HSD17B13: variants seen among roughly 807,000 people sequenced by gnomAD.
HSD17B13 encodes the protein 17-beta-hydroxysteroid dehydrogenase 13.
Under a neutral mutation model 31.1 loss-of-function variants are expected in HSD17B13, and 26 were observed. The ratio of observed to expected loss-of-function variants is 0.84; its 90% CI spans 0.61 to 1.16. The LOEUF (loss-of-function observed/expected upper bound fraction) is 1.16. Among genes scored for constraint, HSD17B13 ranks in the 50% most tolerant of loss-of-function variants. The probability of loss-of-function intolerance (pLI) is 0.00; values close to 1 mark genes in which losing one functional copy is unlikely to be tolerated. For synonymous variants in HSD17B13, 141 were observed against 133.7 expected, an observed-to-expected ratio of 1.05 and a Z score of -0.38; for missense variants, 374 against 366.5, an observed-to-expected ratio of 1.02 and a Z score of -0.17.
At position 87,317,212 on chromosome 4, in the gene HSD17B13, T is replaced by C. The variant is rs749370188; in HGVS notation, c.330A>G (p.Glu110=). The C allele has an allele frequency of 3.7e-6, 6 of 1,614,078 alleles. No homozygotes were observed. The South Asian group carries it at 6.6e-5, about 18-fold the overall frequency. Residue 110 remains glutamate (E), a synonymous_variant, in exon 3 of 7, where the codon GAA becomes GAG. Coordinates refer to ENST00000328546, the MANE Select transcript of HSD17B13 (RefSeq NM_178135.5). ...TCACCACGATTGTTACATCACCCAC[T>C]TCTTTCTTCACCTTTTGAAATTGAA... ...IYRSLNQVKK[E]VGDVTIVVNN... is the part of the protein sequence containing the mutation.
At position 87,313,897 on chromosome 4, in the gene HSD17B13, T is replaced by C. The variant is rs1291653330; in HGVS notation, c.621A>G (p.Gly207=). The C allele has an allele frequency of 1.9e-6, 3 of 1,610,316 alleles. No homozygotes were observed. The highest frequency in any genetic ancestry group is 1.7e-5 in the Admixed American group (1 of 59,336). The change falls in exon 5 of 7, where the codon GGA becomes GGG. Residue 207 remains glycine, a synonymous_variant. Coordinates refer to ENST00000328546, the MANE Select transcript of HSD17B13 (RefSeq NM_178135.5). ...RGLTSELQAL[G]KTGIKTSCLC... ...GACATGAGGTTTTGATACCAGTTTTTCCCAAGGCCTGAAGTTCTGATGTCA... is the reference window on the plus strand; with the variant it reads ...GACATGAGGTTTTGATACCAGTTTTCCCCAAGGCCTGAAGTTCTGATGTCA...
Position 87,317,198 on chromosome 4 carries a change from G to A in HSD17B13, c.344C>T (p.Thr115Ile), listed in dbSNP as rs1256271425. 1 of 1,613,894 alleles carries A rather than the reference G, an allele frequency of 6.2e-7. No homozygotes were observed. Among genetic ancestry groups the A allele is most frequent in the East Asian group, 2.2e-5 (1 of 44,880 alleles). Reference sequence around the variant, plus strand: ...TGTCCCAGCATTATTCACCACGATTGTTACATCACCCACTTCTTTCTTCAC... The same window carrying A: ...TGTCCCAGCATTATTCACCACGATTATTACATCACCCACTTCTTTCTTCAC... ...NQVKKEVGDV[T>I]IVVNNAGTVY... The change falls in exon 3 of 7, where the codon ACA becomes ATA. Residue 115 changes from threonine to isoleucine, a missense_variant. Thr to Ile is a moderately conservative substitution (Grantham distance 89). Coordinates refer to ENST00000328546, the MANE Select transcript of HSD17B13 (RefSeq NM_178135.5).
At chr4:87,321,391 A>T (rs1007501468) in intron 1 of HSD17B13, among the ~76,000 whole-genome samples, 3 of 152,196 alleles carry the variant, frequency 2.0e-5, no homozygotes, top group Admixed American at 6.5e-5. Context: ...TGGAAATTTT[A>T]AAATTTAAAA....
At chr4:87,320,676 C>T (rs986603056) in intron 1 of HSD17B13, among the ~76,000 whole-genome samples, 1 of 152,146 alleles carries the variant, frequency 6.6e-6, no homozygotes, top group Admixed American at 6.5e-5. Flanking sequence ...CGTGAGCCAC[C>T]GCGTCCGGCC....
At chr4:87,321,434 A>T (rs1391110903) in intron 1 of HSD17B13, among the ~76,000 whole-genome samples, 1 of 152,230 alleles carries the variant, frequency 6.6e-6, no homozygotes, top group Non-Finnish European at 1.5e-5. Context: ...TTCCCCAAAA[A>T]TACACATCTG....
chr4:87,314,525 C>T lies in HSD17B13; in HGVS notation c.558-565G>A, dbSNP rs551959553. 8.5e-5 allele frequency among the ~76,000 whole-genome samples: 13 copies of T among 152,162 alleles called. No individual in the cohort carries two copies. The South Asian group carries it at 1.0e-3, about 12-fold the overall frequency. ...TACAGGAAAGGATATTTGGCAAATA[C>T]AGCAGTACATCCTTAACGCCTCTCA... On this transcript the variant is annotated intron_variant, in intron 4 of 6. Transcript: ENST00000328546.
intron 6 of HSD17B13, among the ~76,000 whole-genome samples, chr4:87,306,958 G>C (rs961767178): frequency 4.8e-5 from 5 of 103,098 alleles, no homozygotes; most frequent in African/African-American, 2.0e-4. Flanking sequence ...TGAATGTAAA[G>C]AGGCAGAAAT....
At position 87,304,012 on chromosome 4, in the gene HSD17B13, C is replaced by A. The variant is rs1446444614; in HGVS notation, c.*1206G>T. The A allele has an allele frequency of 2.0e-5, 3 of 150,748 alleles. No homozygotes were observed. Among genetic ancestry groups the A allele is most frequent in the African/African-American group, 7.3e-5 (3 of 41,000 alleles). 9.3% of individuals were successfully genotyped at this position (150,748 alleles called of 1,614,324 possible). On this transcript the variant is annotated 3_prime_UTR_variant, in exon 7 of 7. Coordinates refer to ENST00000328546, the MANE Select transcript of HSD17B13 (RefSeq NM_178135.5). ...TGTAGTGGGAGTCGGATTATTTTTTCTATTAAAAAAAAAAAGGCTGGGCAC... is the reference window on the plus strand; with the variant it reads ...TGTAGTGGGAGTCGGATTATTTTTTATATTAAAAAAAAAAAGGCTGGGCAC...
chr4:87,313,462 T>C (rs1372505634), intron 5 of HSD17B13, among the ~76,000 whole-genome samples: 1 of 152,166 alleles, frequency 6.6e-6, no homozygotes. Context: ...TCAAATCCTG[T>C]CTCACCAGAG....
At chr4:87,310,471 TA>T in intron 5 of HSD17B13, 112 bp from the exon 6 acceptor site, 1 of 1,173,948 alleles carries the variant, frequency 8.5e-7, no homozygotes, top group Non-Finnish European at 1.1e-6. Context: ...AATGAAGATT[TA>T]AAATATTCCA....
At chr4:87,314,006 C>CA in intron 4 of HSD17B13, 46 bp from the exon 5 acceptor site, 1 of 1,405,878 alleles carries the variant, frequency 7.1e-7, no homozygotes, top group Non-Finnish European at 9.4e-7. Flanking sequence ...AGAGTGAAAC[C>CA]AATCCTCAGC....
chr4:87,314,853 G>A (rs1734615965), intron 4 of HSD17B13, among the ~76,000 whole-genome samples: 1 of 152,098 alleles, frequency 6.6e-6, no homozygotes, highest in African/African-American at 2.4e-5. Context: ...TGGCATTACT[G>A]TTTTCTCTCA....
chr4:87,321,585 G>A (rs1332283324), intron 1 of HSD17B13, among the ~76,000 whole-genome samples: 1 of 151,888 alleles, frequency 6.6e-6, no homozygotes, highest in East Asian at 1.9e-4. Flanking sequence ...AAGTTCATTC[G>A]AATTTCTTCA....
rs1734321852 is a variant in HSD17B13, at chr4:87,303,882, T to TTAGC, written c.*1335_*1336insGCTA. 6.6e-6 allele frequency: 1 copy of TTAGC among 151,494 alleles called. No homozygotes were observed. Among genetic ancestry groups the TTAGC allele is most frequent in the South Asian group, 2.1e-4 (1 of 4,802 alleles). 9.4% of individuals were successfully genotyped at this position (151,494 alleles called of 1,614,324 possible). A position where few individuals can be genotyped will look rare whatever the true frequency, so the allele number is the denominator to read the frequency against. The stretch of plus-strand genomic sequence containing the variant: ...ATTTATTTTTAGTGAATTGTTTTTG[T>TTAGC]GACTTTTAAAAAAATCATTTGTTTT... On this transcript the variant is annotated 3_prime_UTR_variant, in exon 7 of 7. Coordinates refer to ENST00000328546, the MANE Select transcript of HSD17B13 (RefSeq NM_178135.5).
chr4:87,320,624 T>C (rs1734765108), intron 1 of HSD17B13, among the ~76,000 whole-genome samples: 1 of 152,172 alleles, frequency 6.6e-6, no homozygotes, highest in African/African-American at 2.4e-5. Context: ...CCTGACCTCG[T>C]GATCCGCCCG....
intron 4 of HSD17B13, among the ~76,000 whole-genome samples, chr4:87,314,637 T>TTTCA (rs1734606200): frequency 7.2e-6 from 1 of 138,368 alleles, no homozygotes; most frequent in African/African-American, 3.1e-5. Context: ...TCTCTCTCTC[T>TTTCA]CTCTCACACA....
At chr4:87,308,037 A>G (rs999151260) in intron 6 of HSD17B13, among the ~76,000 whole-genome samples, 2 of 152,214 alleles carry the variant, frequency 1.3e-5, no homozygotes, top group African/African-American at 4.8e-5. Flanking sequence ...TCAATTTAGA[A>G]ACTGCTCCTC....
chr4:87,305,649 G>T (rs1474942310), intron 6 of HSD17B13, among the ~76,000 whole-genome samples: 1 of 152,014 alleles, frequency 6.6e-6, no homozygotes, highest in Middle Eastern at 3.2e-3. Flanking sequence ...GAACACAGAG[G>T]TTGCAGTGAG....
At chr4:87,309,037 A>G (rs1734463849) in intron 6 of HSD17B13, among the ~76,000 whole-genome samples, 4 of 152,086 alleles carry the variant, frequency 2.6e-5, no homozygotes, top group Admixed American at 2.6e-4. Flanking sequence ...ACTGACAACA[A>G]ACAATGGGAA....
Sources: allele counts gnomAD v4.1 joint callset (sites outside exome capture counted in the v4.1 genomes callset), GRCh38; gene constraint gnomAD v4.1.1; transcripts MANE v1.5; gene names NCBI Gene and HGNC (gene_info 2026-07-23, HGNC 2026-07-21).